Variants in ZBTB49 observed in about 807,000 individuals in gnomAD.
ZBTB49 encodes zinc finger and BTB domain containing 49.
Under a neutral mutation model 57.5 loss-of-function variants are expected in ZBTB49, and 43 were observed. That is an observed-to-expected ratio of 0.75 (90% CI 0.59 to 0.97). ZBTB49 has a LOEUF of 0.97. ZBTB49 is among the 50% of genes least tolerant of loss of function. The pLI is 0.00. For missense variants in ZBTB49, 938 were observed against 947.7 expected, an observed-to-expected ratio of 0.99 and a Z score of 0.13; for synonymous variants, 369 against 362.1, an observed-to-expected ratio of 1.02 and a Z score of -0.22.
rs1257037435 is a variant in ZBTB49, at chr4:4,321,238, G to A, written c.2220G>A (p.Glu740=). 6.2e-7 allele frequency: 1 copy of A among 1,614,168 alleles called. No homozygotes were observed. Among genetic ancestry groups the A allele is most frequent in the Admixed American group, 1.7e-5 (1 of 60,020 alleles). Residue 740 remains glutamate, a synonymous_variant, in exon 8 of 8, where the codon GAG becomes GAA. Coordinates refer to ENST00000337872, the MANE Select transcript of ZBTB49 (RefSeq NM_145291.4). The stretch of plus-strand genomic sequence containing the variant: ...CTTCCACCACTTATAGGAACTCAGA[G>A]GGTCAGTTTTTCTCCAGCATGACTC... ...RASSTTYRNS[E]GQFFSSMTLW...
At chr4:4,320,574 C>T (rs545217595) in intron 7 of ZBTB49, 66 bp from the exon 8 acceptor site, 50 of 1,582,478 alleles carry the variant, frequency 3.2e-5, no homozygotes, top group Middle Eastern at 3.9e-4. Flanking sequence ...TAGGAGTTCA[C>T]GACCAGCCTG....
Position 4,320,776 on chromosome 4 carries a change from C to T in ZBTB49, c.1758C>T (p.Cys586=), listed in dbSNP as rs556959172. 5.0e-6 allele frequency: 8 copies of T among 1,614,208 alleles called. No homozygotes were observed. Among genetic ancestry groups the T allele is most frequent in the Admixed American group, 3.3e-5 (2 of 60,028 alleles). ...TCCGGCGGCACAAGAAGATGCACTGCAAAGCTGGTGACGAGAGCCCAGATG... is the reference window on the plus strand; with the variant it reads ...TCCGGCGGCACAAGAAGATGCACTGTAAAGCTGGTGACGAGAGCCCAGATG... The part of the protein sequence containing the change: ...AVLRRHKKMH[C]KAGDESPDVL... The change falls in exon 8 of 8, where the codon TGC becomes TGT. Residue 586 remains cysteine (C), a synonymous_variant. Transcript: ENST00000337872.
chr4:4,301,816 AT>A (rs35541497), intron 2 of ZBTB49, among the ~76,000 whole-genome samples, 172 bp from the exon 3 acceptor site: 34,676 of 152,076 alleles, frequency 0.23, 4,841 homozygotes, highest in Admixed American at 0.31. Context: ...CATCTGAATT[AT>A]TTAGTTGGAT....
intron 7 of ZBTB49, 120 bp from the exon 8 acceptor site, chr4:4,320,520 G>T (rs542370137): frequency 7.9e-7 from 1 of 1,271,968 alleles, no homozygotes; most frequent in South Asian, 1.4e-5. Flanking sequence ...TGCGCCTGTC[G>T]TCCCAGCTAC....
intron 4 of ZBTB49, among the ~76,000 whole-genome samples, chr4:4,312,748 C>T (rs1259927918): frequency 6.6e-6 from 1 of 152,214 alleles, no homozygotes; most frequent in East Asian, 1.9e-4. Flanking sequence ...GCAGCCTCCA[C>T]AGGGTGCTGT....
chr4:4,309,497 G>A (rs960631806), intron 4 of ZBTB49, among the ~76,000 whole-genome samples: 5 of 152,184 alleles, frequency 3.3e-5, no homozygotes, highest in African/African-American at 7.2e-5. Flanking sequence ...AAGAAAATGC[G>A]GCGTAATTAC....
chr4:4,310,762 A>C (rs1577243673), intron 4 of ZBTB49, among the ~76,000 whole-genome samples: 1 of 150,716 alleles, frequency 6.6e-6, no homozygotes, highest in Admixed American at 6.6e-5. Context: ...CTCATGATCC[A>C]CCTGCCTCAG....
intron 1 of ZBTB49, 86 bp from the exon 2 acceptor site, chr4:4,299,841 A>G (rs1397655826): frequency 8.1e-7 from 1 of 1,238,760 alleles, no homozygotes; most frequent in Non-Finnish European, 1.1e-6. Context: ...AGAGTGAAGC[A>G]CAGATCAATC....
At chr4:4,309,298 G>A (rs185055070) in intron 4 of ZBTB49, among the ~76,000 whole-genome samples, 115 of 152,284 alleles carry the variant, frequency 7.6e-4, no homozygotes, top group Non-Finnish European at 1.4e-3. Flanking sequence ...CACTGTATGT[G>A]TCCAGATCTC....
intron 2 of ZBTB49, among the ~76,000 whole-genome samples, chr4:4,300,390 C>A (rs1720423775): frequency 6.6e-6 from 1 of 152,070 alleles, no homozygotes; most frequent in Non-Finnish European, 1.5e-5. Context: ...TAATGTCAGT[C>A]TTCTACATAT....
intron 4 of ZBTB49, 71 bp downstream of exon 4, chr4:4,306,255 C>G: frequency 7.5e-7 from 1 of 1,337,586 alleles, no homozygotes; most frequent in Non-Finnish European, 1.1e-6. Context: ...GGAAATAAGA[C>G]ATACTTTTGT....
chr4:4,320,556 T>G, intron 7 of ZBTB49, 84 bp from the exon 8 acceptor site: 1 of 1,541,024 alleles, frequency 6.5e-7, no homozygotes, highest in Non-Finnish European at 8.8e-7. Flanking sequence ...AGAAGGATTG[T>G]TTGAGGCTAG....
chr4:4,301,944 G>C, intron 2 of ZBTB49, 45 bp from the exon 3 acceptor site: 1 of 1,416,482 alleles, frequency 7.1e-7, no homozygotes, highest in Non-Finnish European at 9.3e-7. Context: ...GAAAAAGATG[G>C]TGTGAATTTT....
intron 4 of ZBTB49, 136 bp from the exon 5 acceptor site, chr4:4,312,905 G>A (rs1319648368): frequency 1.1e-6 from 1 of 948,934 alleles, no homozygotes; most frequent in East Asian, 2.7e-5. Context: ...CTTCTTTTGA[G>A]TTGTGTGTAG....
chr4:4,314,929 C>G (rs777231560), intron 5 of ZBTB49, among the ~76,000 whole-genome samples: 1 of 152,246 alleles, frequency 6.6e-6, no homozygotes, highest in Non-Finnish European at 1.5e-5. Context: ...AACCGATCAC[C>G]TGCACACAGC....
At position 4,321,202 on chromosome 4, in the gene ZBTB49, C is replaced by T. The variant is rs1341173631; in HGVS notation, c.2184C>T (p.Gly728=). ...ACAACCACGGCGGTGACCCCCTGGG[C>T]AGTCGAGCATCTTCCACCACTTATA... The part of the protein sequence containing the change: ...ALDNHGGDPL[G]SRASSTTYRN... Residue 728 remains glycine, a synonymous_variant, in exon 8 of 8, where the codon GGC becomes GGT. Coordinates refer to ENST00000337872, the MANE Select transcript of ZBTB49 (RefSeq NM_145291.4). 1.9e-6 allele frequency: 3 copies of T among 1,614,222 alleles called. No homozygotes were observed. The highest frequency in any genetic ancestry group is 2.7e-5 in the African/African-American group (2 of 75,072).
intron 2 of ZBTB49, 135 bp downstream of exon 2, chr4:4,300,232 G>T: frequency 1.9e-6 from 2 of 1,031,902 alleles, no homozygotes; most frequent in Non-Finnish European, 2.7e-6. Context: ...TGTAGGAGTT[G>T]TTTTAATTTT....
chr4:4,320,927 G>C lies in ZBTB49; in HGVS notation c.1909G>C (p.Val637Leu), dbSNP rs1316967773. 1.9e-6 allele frequency: 3 copies of C among 1,614,110 alleles called. No individual in the cohort carries two copies. Among genetic ancestry groups the C allele is most frequent in the Non-Finnish European group, 2.5e-6 (3 of 1,180,062 alleles). Residue 637 changes from valine to leucine, a missense_variant, in exon 8 of 8, where the codon GTG becomes CTG. This residue lies in a region of ZBTB49 where 835 missense variants were observed against 819.1 expected (regional missense o/e 1.02). Transcript: ENST00000337872. ...PVSVKLPVHP[V>L]ENSVAEFDSH... ...GTCGGTTAAACTCCCTGTCCACCCA[G>C]TGGAAAATTCTGTGGCAGAATTTGA...
In ZBTB49 at chr4:4,315,290, C is replaced by T. The variant is rs114295681; in HGVS notation, c.1377-346C>T. 1.7e-3 allele frequency among the ~76,000 whole-genome samples: 266 copies of T among 152,282 alleles called. 1 individual carries two copies. Among genetic ancestry groups the T allele is most frequent in the African/African-American group, 6.1e-3 (253 of 41,556 alleles). On this transcript the variant is annotated intron_variant, in intron 5 of 7. Coordinates refer to ENST00000337872, the MANE Select transcript of ZBTB49 (RefSeq NM_145291.4). The stretch of plus-strand genomic sequence containing the variant: ...CTGCAAGGGTGGAAGGGGCATTTGG[C>T]TCTGAACTGGGGAGACTCCTTTTTC...
Sources: allele counts gnomAD v4.1 joint callset (sites outside exome capture counted in the v4.1 genomes callset), GRCh38; gene constraint gnomAD v4.1.1; regional missense constraint gnomAD v4.1.1; transcripts MANE v1.5; gene names NCBI Gene and HGNC (gene_info 2026-07-23, HGNC 2026-07-21).